The following RHEB variants were observed in gnomAD, a reference collection of about 807,000 sequenced individuals.
The protein encoded by RHEB is GTP-binding protein Rheb.
Under a neutral mutation model 28.8 loss-of-function variants are expected in RHEB, and 2 were observed. That is an observed-to-expected ratio of 0.07 (90% CI 0.03 to 0.22). The LOEUF is 0.22. Ranked by LOEUF, RHEB falls within the 10% of genes least tolerant of loss-of-function variation. The probability of loss-of-function intolerance (pLI) is 1.00; values close to 1 mark genes in which losing one functional copy is unlikely to be tolerated. For missense variants in RHEB, 76 were observed against 219.9 expected, an observed-to-expected ratio of 0.35 and a Z score of 4.14; for synonymous variants, 69 against 77.3, an observed-to-expected ratio of 0.89 and a Z score of 0.56.
At chr7:151,473,370 C>T (rs1802199990) in intron 4 of RHEB, among the ~76,000 whole-genome samples, 2 of 152,146 alleles carry the variant, frequency 1.3e-5, no homozygotes. Flanking sequence ...AAACATCTTC[C>T]CCCAGGCAAG....
intron 4 of RHEB, among the ~76,000 whole-genome samples, chr7:151,474,820 A>T (rs1289995056): frequency 6.6e-6 from 1 of 152,216 alleles, no homozygotes; most frequent in Admixed American, 6.5e-5. Context: ...ATTCAATAAA[A>T]AGGATTAGAC....
intron 3 of RHEB, among the ~76,000 whole-genome samples, chr7:151,477,872 A>G (rs1802299173): frequency 6.6e-6 from 1 of 152,088 alleles, no homozygotes; most frequent in Non-Finnish European, 1.5e-5. Flanking sequence ...CCTGAGCTTC[A>G]GTCTACAGGT....
chr7:151,472,905 G>A lies in RHEB; in HGVS notation c.276-1300C>T, dbSNP rs753314439. 2.6e-5 allele frequency among the ~76,000 whole-genome samples: 4 copies of A among 152,204 alleles called. No individual in the cohort carries two copies. Among genetic ancestry groups the A allele is most frequent in the Admixed American group, 2.0e-4 (3 of 15,276 alleles). On this transcript the variant is annotated intron_variant, in intron 4 of 7. Coordinates refer to ENST00000262187, the MANE Select transcript of RHEB (RefSeq NM_005614.4). The surrounding 1 kb of genome is among the most constrained non-coding windows in gnomAD (Gnocchi z 5.2). ...GGATATGGGTGTCCTAAGGACCTGCGGTTGCATTACAGAACCACGGTTTCC... is the reference window on the plus strand; with the variant it reads ...GGATATGGGTGTCCTAAGGACCTGCAGTTGCATTACAGAACCACGGTTTCC...
intron 1 of RHEB, among the ~76,000 whole-genome samples, chr7:151,500,573 C>A (rs1265028537): frequency 6.6e-6 from 1 of 152,134 alleles, no homozygotes; most frequent in Non-Finnish European, 1.5e-5. Context: ...GAGGCTGCGG[C>A]AGTAGCTCAT....
At chr7:151,509,651 C>G (rs148653337) in intron 1 of RHEB, among the ~76,000 whole-genome samples, 1 of 152,180 alleles carries the variant, frequency 6.6e-6, no homozygotes, top group Non-Finnish European at 1.5e-5. Flanking sequence ...AGGATGGAAG[C>G]CAGGATCAGC....
intron 1 of RHEB, among the ~76,000 whole-genome samples, chr7:151,511,818 T>C (rs1802994470): frequency 6.6e-6 from 1 of 152,150 alleles, no homozygotes. Context: ...GCCCAGCTAA[T>C]TTTTGTATTT....
intron 1 of RHEB, among the ~76,000 whole-genome samples, chr7:151,507,694 G>T (rs1184258614): frequency 6.6e-6 from 1 of 151,812 alleles, no homozygotes. Flanking sequence ...TTAAAAAAAA[G>T]AAAAAATTAA....
At chr7:151,506,789 A>G (rs570022452) in intron 1 of RHEB, among the ~76,000 whole-genome samples, 56 of 152,290 alleles carry the variant, frequency 3.7e-4, no homozygotes, top group African/African-American at 1.3e-3. Context: ...TCATGTGCTC[A>G]TGGTTCTACA....
At chr7:151,504,532 T>C (rs1451456289) in intron 1 of RHEB, among the ~76,000 whole-genome samples, 4 of 152,088 alleles carry the variant, frequency 2.6e-5, no homozygotes, top group Non-Finnish European at 4.4e-5. Context: ...GAAAAAAAAA[T>C]TCCTGCCTAT....
intron 1 of RHEB, among the ~76,000 whole-genome samples, chr7:151,508,878 G>A (rs1372016899): frequency 7.9e-5 from 12 of 152,078 alleles, no homozygotes; most frequent in Admixed American, 7.9e-4. Flanking sequence ...CCCTAAATTT[G>A]TGCTCCAGAA....
chr7:151,482,751 C>G (rs1405757855), intron 3 of RHEB, among the ~76,000 whole-genome samples: 1 of 152,152 alleles, frequency 6.6e-6, no homozygotes, highest in African/African-American at 2.4e-5. Flanking sequence ...GCACCCCCAG[C>G]CCACAACTCT....
At chr7:151,509,626 T>G (rs1802948471) in intron 1 of RHEB, among the ~76,000 whole-genome samples, 1 of 152,102 alleles carries the variant, frequency 6.6e-6, no homozygotes, top group South Asian at 2.1e-4. Context: ...CCCTCCCACT[T>G]CACAGAACAG....
In RHEB at chr7:151,470,572, T is replaced by C; in HGVS notation, c.461A>G (p.Gln154Arg). The C allele has an allele frequency of 6.2e-7, 1 of 1,606,132 alleles. No individual in the cohort carries two copies. The highest frequency in any genetic ancestry group is 8.5e-7 in the Non-Finnish European group (1 of 1,172,928). The part of the protein sequence containing the change: ...AFLESSAKEN[Q>R]TAVDVFRRII... ...AATGAGGTTTATAGAATCTGTTACC[T>C]GATTTTCTTTAGCAGAAGATTCCAA... Residue 154 changes from glutamine to arginine, a missense_variant and splice_region_variant, in exon 7 of 8, where the codon CAG (glutamine) becomes CGG (arginine). Gln to Arg is a conservative substitution (Grantham distance 43, BLOSUM62 1). Coordinates refer to ENST00000262187, the MANE Select transcript of RHEB (RefSeq NM_005614.4).
At chr7:151,513,926 T>C (rs1472546743) in intron 1 of RHEB, among the ~76,000 whole-genome samples, 1 of 152,134 alleles carries the variant, frequency 6.6e-6, no homozygotes, top group Non-Finnish European at 1.5e-5. Flanking sequence ...AATATGGAAA[T>C]GCAAGGGACT....
intron 1 of RHEB, among the ~76,000 whole-genome samples, chr7:151,500,226 G>A (rs571322450): frequency 1.3e-5 from 2 of 152,222 alleles, no homozygotes; most frequent in Admixed American, 6.5e-5. Context: ...TCTGAAAAAT[G>A]GACTAGAAAT....
intron 1 of RHEB, among the ~76,000 whole-genome samples, chr7:151,500,644 G>C (rs145310169): frequency 3.2e-4 from 49 of 152,264 alleles, no homozygotes; most frequent in African/African-American, 1.1e-3. Flanking sequence ...AGGAGTTTGA[G>C]ACAAGCCTGG....
At chr7:151,502,232 A>G in intron 1 of RHEB, 1 of 321,858 alleles carries the variant, frequency 3.1e-6, no homozygotes, top group Non-Finnish European at 5.8e-6. Context: ...CTGTCTCAAA[A>G]AAAAAAAAAA....
chr7:151,488,862 C>T (rs554957061), intron 2 of RHEB, among the ~76,000 whole-genome samples: 14 of 152,178 alleles, frequency 9.2e-5, no homozygotes, highest in Non-Finnish European at 1.9e-4. Context: ...ATAAGTTGGA[C>T]TTTCTTCTGA....
intron 1 of RHEB, among the ~76,000 whole-genome samples, chr7:151,495,227 A>C (rs1327620438): frequency 2.0e-5 from 3 of 152,206 alleles, no homozygotes; most frequent in Non-Finnish European, 2.9e-5. Context: ...GTTACATGAA[A>C]ACTACACAGG....
Sources: allele counts gnomAD v4.1 joint callset (sites outside exome capture counted in the v4.1 genomes callset), GRCh38; gene constraint gnomAD v4.1.1; non-coding constraint Gnocchi (gnomAD v3.1); transcripts MANE v1.5; gene names NCBI Gene and HGNC (gene_info 2026-07-23, HGNC 2026-07-21).